Variants in APOBEC3C observed in about 807,000 individuals in gnomAD.
The protein encoded by APOBEC3C is DNA dC->dU-editing enzyme APOBEC-3C.
A neutral mutation model predicts 20.6 loss-of-function variants in APOBEC3C; 14 were observed. The observed-to-expected ratio is 0.68, with a 90% CI of 0.45 to 1.06. APOBEC3C has a LOEUF of 1.06. Among genes scored for constraint, APOBEC3C ranks in the 50% least tolerant of loss-of-function variants. The pLI, the probability that APOBEC3C is intolerant of heterozygous loss-of-function variation, is 0.00. For synonymous variants in APOBEC3C, 98 were observed against 88.8 expected, an observed-to-expected ratio of 1.10 and a Z score of -0.58; for missense variants, 244 against 241.9, an observed-to-expected ratio of 1.01 and a Z score of -0.06.
rs376123035 is a variant in APOBEC3C, at chr22:39,014,315, G to A, written c.-48G>A. 4.9e-5 allele frequency: 79 copies of A among 1,613,538 alleles called. No individual in the cohort carries two copies. Among genetic ancestry groups the A allele is most frequent in the African/African-American group, 2.7e-5 (2 of 74,898 alleles). The stretch of plus-strand genomic sequence containing the variant: ...TGTAAGCAGGAAGAGAAGCCACAGC[G>A]CTTCAGAAAAGAGTGGGACAGGGAC... On this transcript the variant is annotated 5_prime_UTR_variant, in exon 1 of 4. Transcript: ENST00000361441.
rs1924894630 is a variant in APOBEC3C, at chr22:39,018,636, G to T, written c.*249G>T. The T allele has an allele frequency of 1.1e-5, 4 of 370,126 alleles. No homozygotes were observed. Among genetic ancestry groups the T allele is most frequent in the Admixed American group, 4.2e-5 (1 of 23,852 alleles). The allele number at this position is 370,126 out of a possible 1,614,324, so 22.9% of individuals were successfully genotyped here. A position where few individuals can be genotyped will look rare whatever the true frequency, so the allele number is the denominator to read the frequency against. On this transcript the variant is annotated 3_prime_UTR_variant, in exon 4 of 4. Transcript: ENST00000361441. ...CACAGACCCCGTTCCTCCAGCCTGC[G>T]TGCCCCTAACCTGGCTTTTCCCATC...
chr22:39,018,011 G>T lies in APOBEC3C; in HGVS notation c.420G>T (p.Gln140His). The change falls in exon 3 of 4, where the codon CAG becomes CAT. Residue 140 changes from glutamine (Q) to histidine (H), a missense_variant. By Grantham distance (24) the Gln-to-His change is conservative. Transcript: ENST00000361441. ...CYQEGLRSLS[Q>H]EGVAVEIMDY... is the part of the protein sequence containing the mutation. The stretch of plus-strand genomic sequence containing the variant: ...AGGAGGGGCTCCGCAGCCTGAGTCA[G>T]GAAGGGGTCGCTGTGGAGATCATGG... 1 of 1,614,210 alleles carries T rather than the reference G, an allele frequency of 6.2e-7. No homozygotes were observed. Among genetic ancestry groups the T allele is most frequent in the Non-Finnish European group, 8.5e-7 (1 of 1,180,042 alleles).
Position 39,017,853 on chromosome 22 carries a change from G to A in APOBEC3C, c.262G>A (p.Val88Ile), listed in dbSNP as rs752575988. ...ACTGTCTCCTAACACAAAGTACCAG[G>A]TCACCTGGTACACATCTTGGAGCCC... The part of the protein sequence containing the change: ...DILSPNTKYQ[V>I]TWYTSWSPCP... Residue 88 changes from valine (V) to isoleucine (I), a missense_variant, in exon 3 of 4, where the codon GTC (valine) becomes ATC (isoleucine). Physicochemically the swap from Val to Ile is conservative, Grantham distance 29. Transcript: ENST00000361441. The A allele has an allele frequency of 1.2e-6, 2 of 1,614,120 alleles. No homozygotes were observed. The highest frequency in any genetic ancestry group is 1.7e-6 in the Non-Finnish European group (2 of 1,180,008).
intron 1 of APOBEC3C, 125 bp downstream of exon 1, chr22:39,014,504 C>G: frequency 8.5e-7 from 1 of 1,176,876 alleles, no homozygotes; most frequent in Non-Finnish European, 1.2e-6. Context: ...CCCTGGTTCC[C>G]CCGCTGCCCC....
chr22:39,014,510 G>GC, intron 1 of APOBEC3C, 131 bp downstream of exon 1: 1 of 1,105,410 alleles, frequency 9.0e-7, no homozygotes, highest in Non-Finnish European at 1.3e-6. Flanking sequence ...TTCCCCCGCT[G>GC]CCCCCACTCC....
rs1924970044 is a variant in APOBEC3C, at chr22:39,019,870, A to G, written c.*1483A>G. On this transcript the variant is annotated 3_prime_UTR_variant, in exon 4 of 4. Coordinates refer to ENST00000361441, the MANE Select transcript of APOBEC3C (RefSeq NM_014508.3). The stretch of plus-strand genomic sequence containing the variant: ...GTCCAGGCTGGAATGCAATGGCACA[A>G]TCTGGACTCACTGCAACCTCCGCCT... The G allele has an allele frequency of 7.0e-6, 1 of 142,014 alleles. No homozygotes were observed. Among genetic ancestry groups the G allele is most frequent in the African/African-American group, 2.7e-5 (1 of 37,332 alleles). 8.8% of individuals were successfully genotyped at this position (142,014 alleles called of 1,614,324 possible).
rs368230674 is a variant in APOBEC3C at position 39,015,723 on chromosome 22, C to G, written c.146C>G (p.Ser49Cys). Residue 49 changes from serine to cysteine, a missense_variant, in exon 2 of 4, where the codon TCC (serine) becomes TGC (cysteine). Ser to Cys is a moderately radical substitution (Grantham distance 112). Coordinates refer to ENST00000361441, the MANE Select transcript of APOBEC3C (RefSeq NM_014508.3). ...VEGIKRRSVV[S>C]WKTGVFRNQV... ...GGTATAAAGCGCCGCTCAGTTGTCT[C>G]CTGGAAGACGGGCGTCTTCCGAAAC... 1.1e-5 allele frequency: 18 copies of G among 1,613,864 alleles called. No individual in the cohort carries two copies. Among genetic ancestry groups the G allele is most frequent in the Admixed American group, 1.7e-5 (1 of 59,960 alleles).
At chr22:39,015,488 G>A in intron 1 of APOBEC3C, 107 bp from the exon 2 acceptor site, 4 of 1,293,518 alleles carry the variant, frequency 3.1e-6, no homozygotes, top group Non-Finnish European at 4.3e-6. Context: ...AGGGATGGGG[G>A]AGGCCCAGAG....
chr22:39,014,524 C>A, intron 1 of APOBEC3C, 145 bp downstream of exon 1: 1 of 1,009,522 alleles, frequency 9.9e-7, no homozygotes, highest in Non-Finnish European at 1.5e-6. Context: ...CCACTCCCAG[C>A]CAAGCTCCTT....
In APOBEC3C at chr22:39,018,616, A is replaced by C; in HGVS notation, c.*229A>C. ...CATGGCTATCCATCCACCCCCACAGACCCCGTTCCTCCAGCCTGCGTGCCC... is the reference window on the plus strand; with the variant it reads ...CATGGCTATCCATCCACCCCCACAGCCCCCGTTCCTCCAGCCTGCGTGCCC... On this transcript the variant is annotated 3_prime_UTR_variant, in exon 4 of 4. Coordinates refer to ENST00000361441, the MANE Select transcript of APOBEC3C (RefSeq NM_014508.3). 1 of 416,998 alleles carries C rather than the reference A, an allele frequency of 2.4e-6. No homozygotes were observed. Among genetic ancestry groups the C allele is most frequent in the Non-Finnish European group, 4.2e-6 (1 of 235,516 alleles). 25.8% of individuals were successfully genotyped at this position (416,998 alleles called of 1,614,324 possible). A position where few individuals can be genotyped will look rare whatever the true frequency, so the allele number is the denominator to read the frequency against.
chr22:39,019,469 A>C lies in APOBEC3C; in HGVS notation c.*1082A>C, dbSNP rs1325957066. On this transcript the variant is annotated 3_prime_UTR_variant, in exon 4 of 4. Coordinates refer to ENST00000361441, the MANE Select transcript of APOBEC3C (RefSeq NM_014508.3). ...ATTACAATTCTTTCTTTGCAAATGA[A>C]ATATGAAATTTAGAGGCTCTTCTAA... 1 of 152,242 alleles carries C rather than the reference A, an allele frequency of 6.6e-6. No homozygotes were observed. 9.4% of individuals were successfully genotyped at this position (152,242 alleles called of 1,614,324 possible). A position where few individuals can be genotyped will look rare whatever the true frequency, so the allele number is the denominator to read the frequency against.
rs761464830 is a variant in APOBEC3C at position 39,018,342 on chromosome 22, C to T, written c.528C>T (p.Thr176=). Reference sequence around the variant, plus strand: ...TCAAGCCTTGGAAGGGATTAAAAACCAACTTTCGACTTCTGAAAAGAAGGC... The same window carrying T: ...TCAAGCCTTGGAAGGGATTAAAAACTAACTTTCGACTTCTGAAAAGAAGGC... ...EPFKPWKGLK[T]NFRLLKRRLR... Residue 176 remains threonine, a synonymous_variant, in exon 4 of 4, where the codon ACC becomes ACT. Coordinates refer to ENST00000361441, the MANE Select transcript of APOBEC3C (RefSeq NM_014508.3). 3.1e-6 allele frequency: 5 copies of T among 1,613,988 alleles called. No individual in the cohort carries two copies. In the South Asian group the frequency reaches 3.3e-5, roughly 11 times the overall value.
At chr22:39,015,334 G>T (rs1924740815) in intron 1 of APOBEC3C, among the ~76,000 whole-genome samples, 1 of 151,846 alleles carries the variant, frequency 6.6e-6, no homozygotes, top group Non-Finnish European at 1.5e-5. Context: ...CTGGGAGGTT[G>T]AGGGTGTTCC....
At chr22:39,015,879 T>C in intron 2 of APOBEC3C, 128 bp downstream of exon 2, 1 of 856,500 alleles carries the variant, frequency 1.2e-6, no homozygotes, top group African/African-American at 1.8e-5. Context: ...TTTCTATTTT[T>C]TTTTTTTTTT....
Position 39,014,389 on chromosome 22 carries a change from C to T in APOBEC3C, c.17+10C>T, listed in dbSNP as rs375941758. 1.3e-5 allele frequency: 21 copies of T among 1,614,024 alleles called. No homozygotes were observed. The highest frequency in any genetic ancestry group is 1.6e-5 in the Non-Finnish European group (19 of 1,180,030). On this transcript the variant is annotated intron_variant, in intron 1 of 3. Coordinates refer to ENST00000361441, the MANE Select transcript of APOBEC3C (RefSeq NM_014508.3). ...TGAATCCACAGATCAGGTACCTCTG[C>T]ACGCTTTGTCCGCCAGGCCCCTCCT...
At chr22:39,018,214 G>C (rs895828303) in intron 3 of APOBEC3C, 55 bp from the exon 4 acceptor site, 2 of 1,589,552 alleles carry the variant, frequency 1.3e-6, no homozygotes, top group Non-Finnish European at 1.7e-6. Context: ...GGAGGGCCCA[G>C]GGCCAGGAGA....
rs536883304 is a variant in APOBEC3C at position 39,014,905 on chromosome 22, G to A, written c.17+526G>A. ...ACTGTGAGCAGAGTAGGATGCACAC[G>A]ACCCCAGACACAGGCTCCTCCTCTG... On this transcript the variant is annotated intron_variant, in intron 1 of 3. Transcript: ENST00000361441. 7.2e-5 allele frequency among the ~76,000 whole-genome samples: 11 copies of A among 152,218 alleles called. No homozygotes were observed. The East Asian group carries it at 1.5e-3, about 21-fold the overall frequency.
In APOBEC3C at chr22:39,018,132, G is replaced by A. The variant is rs952859732; in HGVS notation, c.454+87G>A. Reference sequence around the variant, plus strand: ...CTCCAATGCTGTGGGGCGGGTCAGTGTCCCCTGGGTGTCTGTGGGGACCGG... The same window carrying A: ...CTCCAATGCTGTGGGGCGGGTCAGTATCCCCTGGGTGTCTGTGGGGACCGG... On this transcript the variant is annotated intron_variant, in intron 3 of 3. Transcript: ENST00000361441. The A allele has an allele frequency of 8.2e-6, 13 of 1,579,548 alleles. No individual in the cohort carries two copies. The African/African-American group carries it at 1.7e-4, about 21-fold the overall frequency.
At chr22:39,017,307 C>A (rs917385977) in intron 2 of APOBEC3C, among the ~76,000 whole-genome samples, 2 of 151,898 alleles carry the variant, frequency 1.3e-5, no homozygotes, top group African/African-American at 4.8e-5. Context: ...ATAAAACACC[C>A]TGGGGCCTAC....
Sources: gnomAD v4.1 joint callset for allele counts (sites outside exome capture counted in the v4.1 genomes callset) on GRCh38, gnomAD v4.1.1 for gene constraint, MANE v1.5 for transcripts, NCBI Gene and HGNC (gene_info 2026-07-23, HGNC 2026-07-21) for gene names.